Variants in CREBBP observed in about 807,000 individuals in gnomAD.
CREBBP encodes CREB-binding protein.
Under a neutral mutation model 265.0 loss-of-function variants are expected in CREBBP, and 19 were observed. The ratio of observed to expected loss-of-function variants is 0.07; its 90% CI spans 0.05 to 0.11. The LOEUF (loss-of-function observed/expected upper bound fraction) is 0.11. Ranked by LOEUF, CREBBP falls within the 10% of genes least tolerant of loss-of-function variation. CREBBP has a pLI of 1.00. For synonymous variants in CREBBP, 1,457 were observed against 1,223.7 expected, an observed-to-expected ratio of 1.19 and a Z score of -3.98; for missense variants, 2,525 against 3,219.0, an observed-to-expected ratio of 0.78 and a Z score of 5.22.
intron 28 of CREBBP, among the ~76,000 whole-genome samples, chr16:3,734,318 ATTG>A (rs1457079077): frequency 6.6e-6 from 1 of 152,104 alleles, no homozygotes; most frequent in Non-Finnish European, 1.5e-5. Context: ...GTCCCTGCCC[ATTG>A]TTGTCCATGA....
chr16:3,734,913 C>G (rs2052012839), intron 28 of CREBBP, among the ~76,000 whole-genome samples: 1 of 152,210 alleles, frequency 6.6e-6, no homozygotes, highest in Non-Finnish European at 1.5e-5. Context: ...CCGGCTGCCT[C>G]ACCCATGGCA....
chr16:3,822,168 T>G (rs558028740), intron 2 of CREBBP, among the ~76,000 whole-genome samples: 3 of 152,164 alleles, frequency 2.0e-5, no homozygotes, highest in Admixed American at 1.3e-4. Context: ...AGCCACCCGA[T>G]GTTTTCCCCA....
intron 2 of CREBBP, among the ~76,000 whole-genome samples, chr16:3,849,940 C>T (rs1705378342): frequency 6.6e-6 from 1 of 152,024 alleles, no homozygotes; most frequent in South Asian, 2.1e-4. Context: ...GATACTGTGC[C>T]AACAGATACT....
chr16:3,797,359 T>C (rs2053628237), intron 3 of CREBBP, among the ~76,000 whole-genome samples: 1 of 152,156 alleles, frequency 6.6e-6, no homozygotes, highest in African/African-American at 2.4e-5. Flanking sequence ...CAGACATAGG[T>C]GTATATCAAA....
At chr16:3,830,526 A>G (rs1201379249) in intron 2 of CREBBP, among the ~76,000 whole-genome samples, 1 of 152,246 alleles carries the variant, frequency 6.6e-6, no homozygotes, top group African/African-American at 2.4e-5. Context: ...TCATAATGAT[A>G]AAAGGCTAAA....
At chr16:3,762,844 G>A (rs1173144936) in intron 16 of CREBBP, among the ~76,000 whole-genome samples, 6 of 149,690 alleles carry the variant, frequency 4.0e-5, no homozygotes, top group Non-Finnish European at 8.9e-5. Flanking sequence ...GCGCGATCTC[G>A]GCTCACTGCA....
chr16:3,756,045 G>A (rs1052275002), intron 19 of CREBBP, among the ~76,000 whole-genome samples: 3 of 151,844 alleles, frequency 2.0e-5, no homozygotes, highest in African/African-American at 7.3e-5. Context: ...AAACATAGAA[G>A]AATTAAAACA....
chr16:3,753,239 C>A (rs1259666843), intron 19 of CREBBP, among the ~76,000 whole-genome samples: 1 of 152,222 alleles, frequency 6.6e-6, no homozygotes, highest in East Asian at 1.9e-4. Flanking sequence ...CACCGTGTGG[C>A]CAGTTCACTA....
chr16:3,757,260 A>AT, intron 19 of CREBBP, 28 bp downstream of exon 19: 2 of 1,559,158 alleles, frequency 1.3e-6, no homozygotes, highest in South Asian at 2.3e-5. Flanking sequence ...GCCCTAAGAC[A>AT]TAATGCAGGA....
chr16:3,789,996 A>C (rs981994999), intron 5 of CREBBP, among the ~76,000 whole-genome samples: 4 of 152,194 alleles, frequency 2.6e-5, no homozygotes, highest in South Asian at 2.1e-4. Flanking sequence ...TATGTACTAA[A>C]AACAAAAGAT....
intron 19 of CREBBP, among the ~76,000 whole-genome samples, chr16:3,753,232 C>T (rs1482781479): frequency 2.6e-5 from 4 of 152,234 alleles, no homozygotes; most frequent in East Asian, 3.8e-4. Context: ...CGTGGGCCAC[C>T]GTGTGGCCAG....
chr16:3,726,554 C>T lies in CREBBP; in HGVS notation c.*1164G>A, dbSNP rs2051752352. 1 of 233,620 alleles carries T rather than the reference C, an allele frequency of 4.3e-6. No individual in the cohort carries two copies. Among genetic ancestry groups the T allele is most frequent in the African/African-American group, 2.2e-5 (1 of 45,332 alleles). 14.5% of individuals were successfully genotyped at this position (233,620 alleles called of 1,614,324 possible). ...AGCCTCTCCGCTATGAGCGAACAAC[C>T]AGAACCATGTCTTACAAAGAACAGA... is the stretch of plus-strand genomic sequence containing the variant. On this transcript the variant is annotated 3_prime_UTR_variant, in exon 31 of 31. Transcript: ENST00000262367.
In CREBBP at chr16:3,729,065, C is replaced by G; in HGVS notation, c.5982G>C (p.Gln1994His). Residue 1994 changes from glutamine (Q) to histidine (H), a missense_variant, in exon 31 of 31, where the codon CAG becomes CAC. Physicochemically the swap from Gln to His is conservative, Grantham distance 24 (BLOSUM62 0). Transcript: ENST00000262367. ...GRTGMGTPGS[Q>H]MAPVSLNVPR... ...GCACATTCAGGCTCACGGGGGCCAT[C>G]TGGCTCCCCGGGGTCCCCATGCCCG... 23 of 1,584,576 alleles carry G rather than the reference C, an allele frequency of 1.5e-5. No homozygotes were observed. Among genetic ancestry groups the G allele is most frequent in the Non-Finnish European group, 2.0e-5 (23 of 1,170,910 alleles).
At chr16:3,757,436 A>T (rs540204880) in intron 18 of CREBBP, 60 bp from the exon 19 acceptor site, 1 of 1,344,250 alleles carries the variant, frequency 7.4e-7, no homozygotes, top group African/African-American at 1.5e-5. Flanking sequence ...CTGTCTTATA[A>T]TGTTCTAGTC....
chr16:3,764,963 T>G lies in CREBBP; in HGVS notation c.3250+2757A>C, dbSNP rs182629373. Among the ~76,000 whole-genome samples, 192 of 152,082 alleles carry G rather than the reference T, an allele frequency of 1.3e-3. 1 individual carries two copies. The highest frequency in any genetic ancestry group is 4.1e-3 in the East Asian group (21 of 5,176). ...GTTTGGTACATGTGTGTGGTTTTTT[T>G]TTTTGTTTTGTTTTTGTTTTTGTTT... On this transcript the variant is annotated intron_variant, in intron 16 of 30. Coordinates refer to ENST00000262367, the MANE Select transcript of CREBBP (RefSeq NM_004380.3).
intron 5 of CREBBP, among the ~76,000 whole-genome samples, chr16:3,788,579 A>G (rs2141270520): frequency 6.6e-6 from 1 of 152,322 alleles, no homozygotes; most frequent in African/African-American, 2.4e-5. Context: ...TAATTATTCA[A>G]AAAAAATTGA....
intron 3 of CREBBP, among the ~76,000 whole-genome samples, chr16:3,802,959 C>T (rs2053748903): frequency 6.6e-6 from 1 of 151,992 alleles, no homozygotes; most frequent in Non-Finnish European, 1.5e-5. Flanking sequence ...CAGGTTCCCT[C>T]ATAAGGACCT....
At position 3,729,174 on chromosome 16, in the gene CREBBP, G is replaced by A. The variant is rs986406817; in HGVS notation, c.5873C>T (p.Ala1958Val). The stretch of plus-strand genomic sequence containing the variant: ...GGCCTCACGCTCGATCTGCCGAGCC[G>A]CTTCCACCGCTGCAGGAGGGGGCTG... ...PAQPPPAAVE[A>V]ARQIEREAQQ... The change falls in exon 31 of 31, where the codon GCG becomes GTG. Residue 1958 changes from alanine to valine, a missense_variant. By Grantham distance (64) the Ala-to-Val change is moderately conservative (BLOSUM62 0). This residue lies in a region of CREBBP where 275 missense variants were observed against 276.5 expected (regional missense o/e 0.99). Coordinates refer to ENST00000262367, the MANE Select transcript of CREBBP (RefSeq NM_004380.3). 7.4e-6 allele frequency: 11 copies of A among 1,489,174 alleles called. No individual in the cohort carries two copies. The highest frequency in any genetic ancestry group is 9.8e-6 in the Non-Finnish European group (11 of 1,117,548). 92.2% of individuals were successfully genotyped at this position (1,489,174 alleles called of 1,614,324 possible).
At chr16:3,798,512 G>GA in intron 3 of CREBBP, among the ~76,000 whole-genome samples, 1 of 152,140 alleles carries the variant, frequency 6.6e-6, no homozygotes, top group Non-Finnish European at 1.5e-5. Flanking sequence ...AAAAATAAGT[G>GA]AAAGCTCTGA....
Sources: allele counts gnomAD v4.1 joint callset (sites outside exome capture counted in the v4.1 genomes callset), GRCh38; gene constraint gnomAD v4.1.1; regional missense constraint gnomAD v4.1.1; transcripts MANE v1.5; gene names NCBI Gene and HGNC (gene_info 2026-07-23, HGNC 2026-07-21).